Variants in WDR24 observed in about 807,000 individuals in gnomAD.
WDR24 encodes WD repeat domain 24.
WDR24 carries 32 observed loss-of-function variants against 66.7 expected under a neutral mutation model. The observed-to-expected ratio is 0.48, with a 90% CI of 0.36 to 0.64. WDR24 has a LOEUF of 0.64. WDR24 is among the 30% of genes least tolerant of loss of function. WDR24 has a pLI of 0.00. For missense variants in WDR24, 978 were observed against 1,144.1 expected (o/e 0.85, Z 2.09); for synonymous variants, 565 against 469.1 (o/e 1.20, Z -2.64).
chr16:685,037 C>T lies in WDR24; in HGVS notation c.2159G>A (p.Ser720Asn). Residue 720 changes from serine (S) to asparagine (N), a missense_variant, in exon 8 of 9, where the codon AGC becomes AAC. Ser to Asn is a conservative substitution (Grantham distance 46). Around this residue, in one of 2 missense-constraint regions of WDR24, gnomAD observed 676 missense variants for 617.5 expected, o/e 1.09. Transcript: ENST00000293883. ...QASTTLHVNC[S>N]HCKRPMSSRG... ...GCTGCTCATGGGCCGCTTGCAGTGG[C>T]TGCAGTTGACGTGCAGGGTGGTGGA... 3 of 1,557,368 alleles carry T rather than the reference C, an allele frequency of 1.9e-6. No individual in the cohort carries two copies. The highest frequency in any genetic ancestry group is 1.2e-5 in the South Asian group (1 of 85,166).
At chr16:687,766 A>G in intron 1 of WDR24, 27 bp from the exon 2 acceptor site, 2 of 1,607,118 alleles carry the variant, frequency 1.2e-6, no homozygotes, top group Non-Finnish European at 1.7e-6. Context: ...GATGCAGGGG[A>G]AGTGACGGGG....
intron 2 of WDR24, 61 bp from the exon 3 acceptor site, chr16:687,477 C>G (rs185977193): frequency 3.2e-5 from 50 of 1,575,822 alleles, no homozygotes; most frequent in East Asian, 9.0e-5. Flanking sequence ...GGGACCCCCC[C>G]GCTCTGCTGC....
In WDR24 at chr16:685,051, C is replaced by A; in HGVS notation, c.2145G>T (p.Leu715=). The A allele has an allele frequency of 6.4e-7, 1 of 1,558,024 alleles. No individual in the cohort carries two copies. ...VSCLNQASTT[L]HVNCSHCKRP... is the part of the protein sequence containing the mutation. Reference sequence around the variant, plus strand: ...GCTTGCAGTGGCTGCAGTTGACGTGCAGGGTGGTGGAGGCCTGGTTGAGGC... The same window carrying A: ...GCTTGCAGTGGCTGCAGTTGACGTGAAGGGTGGTGGAGGCCTGGTTGAGGC... Residue 715 remains leucine (L), a synonymous_variant, in exon 8 of 9, where the codon CTG becomes CTT. Transcript: ENST00000293883.
chr16:685,804 C>T, intron 5 of WDR24, 21 bp from the exon 6 acceptor site: 1 of 1,613,140 alleles, frequency 6.2e-7, no homozygotes, highest in Non-Finnish European at 8.5e-7. Context: ...ATGGGGCGGG[C>T]ATTCAGGGTC....
chr16:686,903 G>A lies in WDR24; in HGVS notation c.1173C>T (p.Gly391=). The change falls in exon 3 of 9, where the codon GGC becomes GGT. Residue 391 remains glycine (G), a synonymous_variant. Coordinates refer to ENST00000293883, the MANE Select transcript of WDR24 (RefSeq NM_032259.4). ...AGACACTGAGGGCACTGGAGGCGAGGCCTGCGAAGGGCTCGGCAGGGTCCA... is the reference window on the plus strand; with the variant it reads ...AGACACTGAGGGCACTGGAGGCGAGACCTGCGAAGGGCTCGGCAGGGTCCA... ...RKLDPAEPFA[G]LASSALSVFE... 1.9e-6 allele frequency: 3 copies of A among 1,608,456 alleles called. No homozygotes were observed. The highest frequency in any genetic ancestry group is 2.5e-6 in the Non-Finnish European group (3 of 1,179,400).
chr16:686,971 A>G lies in WDR24; in HGVS notation c.1105T>C (p.Tyr369His). 6.2e-7 allele frequency: 1 copy of G among 1,600,032 alleles called. No homozygotes were observed. Among genetic ancestry groups the G allele is most frequent in the South Asian group, 1.1e-5 (1 of 90,158 alleles). The change falls in exon 3 of 9, where the codon TAC becomes CAC. Residue 369 changes from tyrosine (Y) to histidine (H), a missense_variant. By Grantham distance (83) the Tyr-to-His change is moderately conservative. Transcript: ENST00000293883. ...ATGGGGTGGCGCCGGTCGCCAGTGT[A>G]GGGCTTGCGCCCCGACTCGGCAGCC... is the stretch of plus-strand genomic sequence containing the variant. The part of the protein sequence containing the change: ...LVAAESGRKP[Y>H]TGDRRHPIFF...
In WDR24 at chr16:687,703, A is replaced by G; in HGVS notation, c.518T>C (p.Ile173Thr). Residue 173 changes from isoleucine to threonine, a missense_variant, in exon 2 of 9, where the codon ATC becomes ACC. This residue lies in a region of WDR24 where 302 missense variants were observed against 526.6 expected (regional missense o/e 0.57). Transcript: ENST00000293883. Reference sequence around the variant, plus strand: ...GGAGGCGAAGGTGAAGTAGTCCCGGATACTGAACTGCACGTCCCGCACGCT... The same window carrying G: ...GGAGGCGAAGGTGAAGTAGTCCCGGGTACTGAACTGCACGTCCCGCACGCT... ...SESVRDVQFS[I>T]RDYFTFASTF... 1 of 1,613,600 alleles carries G rather than the reference A, an allele frequency of 6.2e-7. No homozygotes were observed. Among genetic ancestry groups the G allele is most frequent in the Non-Finnish European group, 8.5e-7 (1 of 1,180,002 alleles).
Position 689,605 on chromosome 16 carries a change from A to G in WDR24, c.36T>C (p.Gly12=), listed in dbSNP as rs1031767289. The change falls in exon 1 of 9, where the codon GGT becomes GGC. Residue 12 remains glycine, a synonymous_variant. Transcript: ENST00000293883. ...EKMSRVTTAL[G]GSVLTGRTMH... is the part of the protein sequence containing the mutation. ...TGGTGCGGCCTGTCAGCACGCTGCC[A>G]CCCAGGGCTGTGGTCACACGGGACA... The G allele has an allele frequency of 3.1e-6, 5 of 1,612,768 alleles. No individual in the cohort carries two copies. Among genetic ancestry groups the G allele is most frequent in the Non-Finnish European group, 4.2e-6 (5 of 1,179,960 alleles).
In WDR24 at chr16:690,335, C is replaced by G; in HGVS notation, c.-695G>C. ...AGAGGGCCCGGGGCAGCCCTTCTCC[C>G]CCGCGCGAACCCCAATCTTTTACTA... On this transcript the variant is annotated 5_prime_UTR_variant, in exon 1 of 9. Coordinates refer to ENST00000293883, the MANE Select transcript of WDR24 (RefSeq NM_032259.4). 2.2e-6 allele frequency: 1 copy of G among 456,298 alleles called. No homozygotes were observed. The highest frequency in any genetic ancestry group is 4.4e-6 in the Non-Finnish European group (1 of 226,734). 28.3% of individuals were successfully genotyped at this position (456,298 alleles called of 1,614,324 possible). A position where few individuals can be genotyped will look rare whatever the true frequency, so the allele number is the denominator to read the frequency against.
rs2039892140 is a variant in WDR24 at position 685,755 on chromosome 16, T to TA, written c.1601dup (p.Pro535ThrfsTer8). 1 of 1,613,154 alleles carries TA rather than the reference T, an allele frequency of 6.2e-7. No homozygotes were observed. Among genetic ancestry groups the TA allele is most frequent in the Admixed American group, 1.7e-5 (1 of 60,008 alleles). ...CGTCACCCAGCAGGTAGTCGGCAGG[T>TA]ACGTCGCTGCCCTCGGTTTCCTCGT... is the stretch of plus-strand genomic sequence containing the variant. On this transcript the variant is annotated frameshift_variant, in exon 6 of 9. Transcript: ENST00000293883. LOFTEE classifies it high-confidence loss of function.
In WDR24 at chr16:687,861, G is replaced by C. The variant is rs574435776; in HGVS notation, c.482-122C>G. The C allele has an allele frequency of 1.2e-5, 16 of 1,310,286 alleles. No homozygotes were observed. The African/African-American group carries it at 2.2e-4, about 18-fold the overall frequency. The allele number at this position is 1,310,286 out of a possible 1,614,324, so 81.2% of individuals were successfully genotyped here. A position where few individuals can be genotyped will look rare whatever the true frequency, so the allele number is the denominator to read the frequency against. ...GCCCAGAACAGAGGCCCAGAGGGTAGAGTGGACATCCCCAAGATCTGCCCA... is the reference window on the plus strand; with the variant it reads ...GCCCAGAACAGAGGCCCAGAGGGTACAGTGGACATCCCCAAGATCTGCCCA... On this transcript the variant is annotated intron_variant, in intron 1 of 8. Coordinates refer to ENST00000293883, the MANE Select transcript of WDR24 (RefSeq NM_032259.4).
At chr16:686,308 G>T in intron 3 of WDR24, 122 bp from the exon 4 acceptor site, 1 of 1,099,952 alleles carries the variant, frequency 9.1e-7, no homozygotes, top group Non-Finnish European at 1.3e-6. Flanking sequence ...CAATGTCCAG[G>T]CCCACCCCAG....
In WDR24 at chr16:686,863, C is replaced by G; in HGVS notation, c.1213G>C (p.Gly405Arg). Residue 405 changes from glycine to arginine, a missense_variant, in exon 3 of 9, where the codon GGT becomes CGT. By Grantham distance (125) the Gly-to-Arg change is moderately radical (BLOSUM62 -2). Transcript: ENST00000293883. ...ACAAACCAGCGCATGCCGCCGCCAC[C>G]TGGCTCCGTCTCAAAGACACTGAGG... ...SALSVFETEP[G>R]GGGMRWFVDT... The G allele has an allele frequency of 5.0e-6, 8 of 1,610,454 alleles. No individual in the cohort carries two copies. The highest frequency in any genetic ancestry group is 6.8e-6 in the Non-Finnish European group (8 of 1,179,712).
At position 687,243 on chromosome 16, in the gene WDR24, A is replaced by ATGTTG; in HGVS notation, c.828_832dup (p.Ile278ThrfsTer186). 2 of 1,612,256 alleles carry ATGTTG rather than the reference A, an allele frequency of 1.2e-6. No individual in the cohort carries two copies. The highest frequency in any genetic ancestry group is 1.7e-6 in the Non-Finnish European group (2 of 1,179,960). On this transcript the variant is annotated frameshift_variant, in exon 3 of 9. Coordinates refer to ENST00000293883, the MANE Select transcript of WDR24 (RefSeq NM_032259.4). LOFTEE classifies it high-confidence loss of function. ...GGGCCGGCGCACGTCCCAAACATAGATGTTGTGGTCCACCATCATGGAGCA... is the reference window on the plus strand; with the variant it reads ...GGGCCGGCGCACGTCCCAAACATAGATGTTGTGTTGTGGTCCACCATCATGGAGCA...
rs769173076 is a variant in WDR24 at position 685,528 on chromosome 16, G to A, written c.1748C>T (p.Pro583Leu). The A allele has an allele frequency of 1.3e-6, 2 of 1,588,794 alleles. No homozygotes were observed. Among genetic ancestry groups the A allele is most frequent in the Non-Finnish European group, 1.7e-6 (2 of 1,164,734 alleles). ...PLRHEIVDTPPGPEHLQDKAD... is the reference protein window; with the variant it reads ...PLRHEIVDTPLGPEHLQDKAD... ...CTTGTCCTGCAGGTGCTCGGGCCCG[G>A]GAGGCGTGTCCACGATCTCGTGGCG... is the stretch of plus-strand genomic sequence containing the variant. The change falls in exon 7 of 9, where the codon CCC becomes CTC. Residue 583 changes from proline to leucine, a missense_variant. Transcript: ENST00000293883.
In WDR24 at chr16:690,218, C is replaced by A. The variant is rs941415179; in HGVS notation, c.-578G>T. The A allele has an allele frequency of 7.7e-6, 3 of 391,322 alleles. No homozygotes were observed. The highest frequency in any genetic ancestry group is 3.7e-5 in the South Asian group (2 of 53,936). The allele number at this position is 391,322 out of a possible 1,614,324, so 24.2% of individuals were successfully genotyped here. ...AGGAGCTCGAGGTGTCTGGCGGGACCGGAGGCAGGAGAGAAGCCGGCGACC... is the reference window on the plus strand; with the variant it reads ...AGGAGCTCGAGGTGTCTGGCGGGACAGGAGGCAGGAGAGAAGCCGGCGACC... On this transcript the variant is annotated 5_prime_UTR_variant, in exon 1 of 9. Transcript: ENST00000293883.
rs1407032109 is a variant in WDR24 at position 684,918 on chromosome 16, A to C, written c.2205-16T>G. ...GCGGTGGCACCTGGGGGCGGGCGGG[A>C]GGGAGGGTGCCTCAGCGGGGGCTGC... On this transcript the variant is annotated splice_polypyrimidine_tract_variant and intron_variant, in intron 8 of 8. Transcript: ENST00000293883. 5.4e-4 allele frequency: 32 copies of C among 59,420 alleles called. No homozygotes were observed. The highest frequency in any genetic ancestry group is 9.5e-4 in the Non-Finnish European group (28 of 29,524). The allele number at this position is 59,420 out of a possible 1,614,324, so 3.7% of individuals were successfully genotyped here.
chr16:687,263 G>A lies in WDR24; in HGVS notation c.813C>T (p.Ser271=), dbSNP rs766583386. The A allele has an allele frequency of 1.2e-6, 2 of 1,612,054 alleles. No individual in the cohort carries two copies. The highest frequency in any genetic ancestry group is 1.1e-5 in the South Asian group (1 of 91,094). The part of the protein sequence containing the change: ...PECRHHLATC[S]MMVDHNIYVW... ...CATAGATGTTGTGGTCCACCATCATGGAGCACGTGGCCAGGTGGTGGCGGC... is the reference window on the plus strand; with the variant it reads ...CATAGATGTTGTGGTCCACCATCATAGAGCACGTGGCCAGGTGGTGGCGGC... The change falls in exon 3 of 9, where the codon TCC becomes TCT. Residue 271 remains serine, a synonymous_variant. Coordinates refer to ENST00000293883, the MANE Select transcript of WDR24 (RefSeq NM_032259.4).
In WDR24 at chr16:686,875, C is replaced by G; in HGVS notation, c.1201G>C (p.Glu401Gln). 3.7e-6 allele frequency: 6 copies of G among 1,610,044 alleles called. No homozygotes were observed. Among genetic ancestry groups the G allele is most frequent in the Non-Finnish European group, 5.1e-6 (6 of 1,179,636 alleles). Reference protein sequence around the residue: ...GLASSALSVFETEPGGGGMRW... With the variant: ...GLASSALSVFQTEPGGGGMRW... ...ATGCCGCCGCCACCTGGCTCCGTCTCAAAGACACTGAGGGCACTGGAGGCG... is the reference window on the plus strand; with the variant it reads ...ATGCCGCCGCCACCTGGCTCCGTCTGAAAGACACTGAGGGCACTGGAGGCG... The change falls in exon 3 of 9, where the codon GAG becomes CAG. Residue 401 changes from glutamate (E) to glutamine (Q), a missense_variant. Glu to Gln is a conservative substitution (Grantham distance 29). Around this residue, in one of 2 missense-constraint regions of WDR24, gnomAD observed 676 missense variants for 617.5 expected, o/e 1.09. Transcript: ENST00000293883.
Sources: allele counts gnomAD v4.1 joint callset, GRCh38; gene constraint gnomAD v4.1.1; regional missense constraint gnomAD v4.1.1; transcripts MANE v1.5; gene names NCBI Gene and HGNC (gene_info 2026-07-23, HGNC 2026-07-21).